SPOCK3: variants seen among roughly 807,000 people sequenced by gnomAD.
The protein encoded by SPOCK3 is testican-3.
A neutral mutation model predicts 56.6 loss-of-function variants in SPOCK3; 30 were observed. The observed-to-expected ratio is 0.53, with a 90% confidence interval of 0.40 to 0.72. The LOEUF is 0.72. Among genes scored for constraint, SPOCK3 ranks in the 30% least tolerant of loss-of-function variants. The pLI is 0.00. For synonymous variants in SPOCK3, 196 were observed against 183.3 expected (o/e 1.07, Z -0.56); for missense variants, 527 against 530.0 (o/e 0.99, Z 0.06).
At chr4:166,967,567 C>A (rs1191128943) in intron 4 of SPOCK3, among the ~76,000 whole-genome samples, 1 of 152,142 alleles carries the variant, frequency 6.6e-6, no homozygotes, top group African/African-American at 2.4e-5. Context: ...ACATGCTTGC[C>A]TCCCCTTCAG....
intron 6 of SPOCK3, among the ~76,000 whole-genome samples, chr4:166,861,077 G>C (rs1731205448): frequency 6.6e-6 from 1 of 151,838 alleles, no homozygotes; most frequent in Admixed American, 6.6e-5. Flanking sequence ...AAACAATTAG[G>C]ATCATCCAAA....
At chr4:167,052,153 T>G (rs1754285618) in intron 3 of SPOCK3, among the ~76,000 whole-genome samples, 2 of 152,202 alleles carry the variant, frequency 1.3e-5, no homozygotes, top group Admixed American at 1.3e-4. Context: ...TCAAAGATTT[T>G]TGGTGCTATA....
At chr4:166,768,878 G>C (rs1387810336) in intron 7 of SPOCK3, among the ~76,000 whole-genome samples, 2 of 152,160 alleles carry the variant, frequency 1.3e-5, no homozygotes, top group African/African-American at 4.8e-5. Flanking sequence ...TGGAAGCTTT[G>C]TTCATTTCTT....
At chr4:167,218,606 A>G in intron 2 of SPOCK3, among the ~76,000 whole-genome samples, 1 of 152,152 alleles carries the variant, frequency 6.6e-6, no homozygotes, top group Admixed American at 6.6e-5. Flanking sequence ...TATACATTTA[A>G]AAAGTTTTTA....
intron 6 of SPOCK3, among the ~76,000 whole-genome samples, chr4:166,872,424 G>T (rs1732585969): frequency 6.6e-6 from 1 of 152,010 alleles, no homozygotes; most frequent in Admixed American, 6.6e-5. Context: ...TGAAACTCAA[G>T]ACGGAAAAAC....
chr4:167,008,422 T>C (rs1749677601), intron 3 of SPOCK3, among the ~76,000 whole-genome samples: 1 of 152,178 alleles, frequency 6.6e-6, no homozygotes, highest in African/African-American at 2.4e-5. Flanking sequence ...GCTATAAAAA[T>C]TGTAGCATAA....
At chr4:167,042,514 A>G (rs1753321776) in intron 3 of SPOCK3, among the ~76,000 whole-genome samples, 1 of 152,144 alleles carries the variant, frequency 6.6e-6, no homozygotes, top group African/African-American at 2.4e-5. Flanking sequence ...TGGTGTTCAT[A>G]CTTTTGTCTG....
At chr4:167,157,228 G>T (rs1000230503) in intron 2 of SPOCK3, among the ~76,000 whole-genome samples, 3 of 152,014 alleles carry the variant, frequency 2.0e-5, no homozygotes, top group African/African-American at 7.2e-5. Context: ...TTATATTTTT[G>T]AGAACAACCA....
intron 6 of SPOCK3, among the ~76,000 whole-genome samples, chr4:166,841,380 A>G (rs1448167258): frequency 6.6e-6 from 1 of 152,198 alleles, no homozygotes; most frequent in Non-Finnish European, 1.5e-5. Flanking sequence ...ACAATTTCAC[A>G]TAGACTTATA....
At chr4:166,992,789 G>T (rs1375205122) in intron 4 of SPOCK3, among the ~76,000 whole-genome samples, 1 of 146,798 alleles carries the variant, frequency 6.8e-6, no homozygotes, top group East Asian at 2.1e-4. Context: ...AAGAAACCAG[G>T]AACTATTTGA....
chr4:166,771,532 C>T (rs1022758425), intron 7 of SPOCK3, among the ~76,000 whole-genome samples: 4 of 151,938 alleles, frequency 2.6e-5, no homozygotes, highest in African/African-American at 9.7e-5. Flanking sequence ...CATCCTCAGT[C>T]CAAACCATTA....
intron 6 of SPOCK3, among the ~76,000 whole-genome samples, chr4:166,826,868 T>C (rs1745536670): frequency 6.6e-6 from 1 of 152,074 alleles, no homozygotes; most frequent in Non-Finnish European, 1.5e-5. Flanking sequence ...AGAGGGCAAA[T>C]GGCCTGGACA....
At chr4:166,901,970 A>T (rs571399440) in intron 5 of SPOCK3, among the ~76,000 whole-genome samples, 2 of 152,126 alleles carry the variant, frequency 1.3e-5, no homozygotes, top group Non-Finnish European at 2.9e-5. Flanking sequence ...AGAAGCCAAG[A>T]TATGGAAACA....
At chr4:166,763,982 C>A (rs915457331) in intron 7 of SPOCK3, among the ~76,000 whole-genome samples, 1 of 151,946 alleles carries the variant, frequency 6.6e-6, no homozygotes, top group Non-Finnish European at 1.5e-5. Flanking sequence ...TTTCTTTTTT[C>A]AGCGGGGTTG....
intron 4 of SPOCK3, among the ~76,000 whole-genome samples, chr4:166,953,269 G>T (rs1369770139): frequency 6.6e-6 from 1 of 152,242 alleles, no homozygotes; most frequent in African/African-American, 2.4e-5. Flanking sequence ...CAAAAAGTGG[G>T]CGAAGGACAT....
intron 7 of SPOCK3, among the ~76,000 whole-genome samples, chr4:166,765,743 TG>T (rs1215448061): frequency 6.6e-6 from 1 of 152,240 alleles, no homozygotes; most frequent in Non-Finnish European, 1.5e-5. Flanking sequence ...GGTAGCTTGA[TG>T]GGGATGGTAT....
chr4:167,204,488 C>G (rs1378954532), intron 2 of SPOCK3, among the ~76,000 whole-genome samples: 1 of 152,062 alleles, frequency 6.6e-6, no homozygotes, highest in Non-Finnish European at 1.5e-5. Flanking sequence ...ATGCTAGACA[C>G]TTATAAAACC....
At chr4:167,110,527 T>G (rs1040164627) in intron 2 of SPOCK3, among the ~76,000 whole-genome samples, 2 of 151,980 alleles carry the variant, frequency 1.3e-5, no homozygotes, top group Non-Finnish European at 2.9e-5. Flanking sequence ...AAATTACAGA[T>G]TCTTAATCAA....
At chr4:166,805,531 T>C (rs1006533274) in intron 6 of SPOCK3, among the ~76,000 whole-genome samples, 1 of 152,060 alleles carries the variant, frequency 6.6e-6, no homozygotes, top group African/African-American at 2.4e-5. Context: ...AGATTAATCT[T>C]TAATGGCAAA....
Sources: allele counts gnomAD v4.1 joint callset (sites outside exome capture counted in the v4.1 genomes callset), GRCh38; gene constraint gnomAD v4.1.1; transcripts MANE v1.5; gene names NCBI Gene and HGNC (gene_info 2026-07-23, HGNC 2026-07-21).